Variants in CCSER1 observed in about 807,000 individuals in gnomAD.
CCSER1 encodes the protein coiled-coil serine rich protein 1.
Under a neutral mutation model 82.0 loss-of-function variants are expected in CCSER1, and 41 were observed. The observed-to-expected ratio is 0.50, with a 90% CI of 0.39 to 0.65. The LOEUF (loss-of-function observed/expected upper bound fraction) is 0.65. Ranked by LOEUF, CCSER1 falls within the 30% of genes least tolerant of loss-of-function variation. CCSER1 has a pLI of 0.00. For synonymous variants in CCSER1, 414 were observed against 383.9 expected (o/e 1.08, Z -0.92); for missense variants, 1,119 against 1,064.2 (o/e 1.05, Z -0.72).
intron 8 of CCSER1, among the ~76,000 whole-genome samples, chr4:90,914,813 T>A (rs2150209457): frequency 6.8e-6 from 1 of 147,406 alleles, no homozygotes. Context: ...ATAGATGCAA[T>A]AAAAAATGAC....
At chr4:91,443,708 AT>A (rs1169362100) in intron 10 of CCSER1, among the ~76,000 whole-genome samples, 1 of 148,392 alleles carries the variant, frequency 6.7e-6, no homozygotes, top group East Asian at 1.9e-4. Flanking sequence ...TCAGAAAAAA[AT>A]TAAGTATAGA....
chr4:91,134,172 C>G (rs1728251485), intron 10 of CCSER1, among the ~76,000 whole-genome samples: 1 of 152,058 alleles, frequency 6.6e-6, no homozygotes, highest in South Asian at 2.1e-4. Flanking sequence ...TTAGGAGGAT[C>G]CCTTGAGGCC....
At chr4:90,503,611 G>T (rs1012844040) in intron 5 of CCSER1, among the ~76,000 whole-genome samples, 4 of 151,880 alleles carry the variant, frequency 2.6e-5, no homozygotes, top group African/African-American at 7.3e-5. Context: ...CCTTTCCTGT[G>T]TCCATGTGTT....
chr4:90,742,136 G>A (rs1027092300), intron 7 of CCSER1, among the ~76,000 whole-genome samples: 5 of 151,928 alleles, frequency 3.3e-5, no homozygotes, highest in African/African-American at 9.7e-5. Flanking sequence ...ACACACTTCC[G>A]AGCAACCAGA....
chr4:91,384,474 C>CT (rs200044961), intron 10 of CCSER1, among the ~76,000 whole-genome samples: 2,809 of 150,754 alleles, frequency 0.019, 65 homozygotes, highest in African/African-American at 0.063. Flanking sequence ...AGTCAAAAAT[C>CT]TTTTTTTTTA....
At chr4:91,457,913 A>G (rs1326360505) in intron 10 of CCSER1, among the ~76,000 whole-genome samples, 1 of 152,180 alleles carries the variant, frequency 6.6e-6, no homozygotes, top group Non-Finnish European at 1.5e-5. Context: ...TATTAGATAC[A>G]AGTGTATGAT....
chr4:91,268,163 A>G (rs758237169), intron 10 of CCSER1, among the ~76,000 whole-genome samples: 4 of 152,228 alleles, frequency 2.6e-5, no homozygotes, highest in Non-Finnish European at 5.9e-5. Flanking sequence ...TAAAATTTGC[A>G]TGGTAAATTT....
chr4:91,165,378 G>A (rs1224637056), intron 10 of CCSER1, among the ~76,000 whole-genome samples: 3 of 152,064 alleles, frequency 2.0e-5, no homozygotes. Flanking sequence ...CCCCTACTGG[G>A]AAGTGTCAGG....
intron 10 of CCSER1, among the ~76,000 whole-genome samples, chr4:91,103,231 C>T (rs1355979558): frequency 1.3e-5 from 2 of 152,088 alleles, no homozygotes; most frequent in African/African-American, 4.8e-5. Flanking sequence ...CACATCCTAT[C>T]CTCCAAGCAC....
At chr4:91,432,109 T>C (rs1043601996) in intron 10 of CCSER1, among the ~76,000 whole-genome samples, 3 of 152,146 alleles carry the variant, frequency 2.0e-5, no homozygotes, top group Admixed American at 2.0e-4. Context: ...TTTGTAGCAG[T>C]TCCCCATCCA....
chr4:90,972,296 A>G (rs1735185608), intron 9 of CCSER1, among the ~76,000 whole-genome samples: 1 of 151,874 alleles, frequency 6.6e-6, no homozygotes. Flanking sequence ...AACAGGATAT[A>G]AAATCAACAT....
At chr4:90,285,161 T>G (rs1026766771) in intron 1 of CCSER1, among the ~76,000 whole-genome samples, 3 of 152,030 alleles carry the variant, frequency 2.0e-5, no homozygotes, top group Admixed American at 2.0e-4. Context: ...AAATTTTAAT[T>G]TTTTTCTATT....
chr4:90,179,571 G>A (rs1290384309), intron 1 of CCSER1, among the ~76,000 whole-genome samples: 2 of 152,062 alleles, frequency 1.3e-5, no homozygotes, highest in African/African-American at 4.8e-5. Context: ...TTTGTACAGA[G>A]AGGGTCTTGC....
intron 1 of CCSER1, among the ~76,000 whole-genome samples, chr4:90,288,098 G>A (rs537790158): frequency 2.0e-5 from 3 of 152,006 alleles, no homozygotes; most frequent in East Asian, 1.9e-4. Flanking sequence ...CTATTTAAGC[G>A]AGAATGTCGT....
At chr4:91,510,471 C>T (rs1474833097) in intron 10 of CCSER1, among the ~76,000 whole-genome samples, 1 of 152,114 alleles carries the variant, frequency 6.6e-6, no homozygotes, top group African/African-American at 2.4e-5. Context: ...ATTCATTTTT[C>T]TCCACAGCCT....
At chr4:90,812,340 A>G (rs1758460473) in intron 7 of CCSER1, among the ~76,000 whole-genome samples, 1 of 152,144 alleles carries the variant, frequency 6.6e-6, no homozygotes, top group Non-Finnish European at 1.5e-5. Context: ...CTGGATCAAT[A>G]CCCTGTATCC....
intron 10 of CCSER1, among the ~76,000 whole-genome samples, chr4:91,248,504 A>G: frequency 6.6e-6 from 1 of 152,196 alleles, no homozygotes; most frequent in East Asian, 1.9e-4. Context: ...TTTCTCAGAA[A>G]AACTCATAAC....
chr4:90,419,604 A>G (rs1339336437), intron 4 of CCSER1, among the ~76,000 whole-genome samples: 2 of 151,928 alleles, frequency 1.3e-5, no homozygotes, highest in South Asian at 4.1e-4. Context: ...CAAGGCACTG[A>G]AAATCATAAT....
intron 1 of CCSER1, among the ~76,000 whole-genome samples, chr4:90,273,018 C>CA (rs199498597): frequency 0.015 from 2,242 of 145,782 alleles, 49 homozygotes; most frequent in African/African-American, 0.056. Context: ...AACAAACAAA[C>CA]AAACAAAAAA....
Sources: allele counts gnomAD v4.1 joint callset (sites outside exome capture counted in the v4.1 genomes callset), GRCh38; gene constraint gnomAD v4.1.1; transcripts MANE v1.5; gene names NCBI Gene and HGNC (gene_info 2026-07-23, HGNC 2026-07-21).